Variants in EPHA6 observed in about 807,000 individuals in gnomAD.
The protein encoded by EPHA6 is EPH receptor A6.
EPHA6 carries 50 observed loss-of-function variants against 112.0 expected under a neutral mutation model. That is an observed-to-expected ratio of 0.45 (90% CI 0.36 to 0.56). The LOEUF (loss-of-function observed/expected upper bound fraction) is 0.56, where lower values mean the gene tolerates loss of function less well. EPHA6 is among the 20% of genes least tolerant of loss of function. The pLI, the probability that EPHA6 is intolerant of heterozygous loss-of-function variation, is 0.00. For synonymous variants in EPHA6, 529 were observed against 490.7 expected, an observed-to-expected ratio of 1.08 and a Z score of -1.03; for missense variants, 1,280 against 1,417.4, an observed-to-expected ratio of 0.90 and a Z score of 1.56.
chr3:97,232,779 A>G (rs186543944), intron 4 of EPHA6, among the ~76,000 whole-genome samples: 1 of 152,280 alleles, frequency 6.6e-6, no homozygotes, highest in East Asian at 1.9e-4. Flanking sequence ...TTGAGGTTAT[A>G]TACATTGGCA....
intron 3 of EPHA6, among the ~76,000 whole-genome samples, chr3:97,132,246 G>A (rs529836674): frequency 6.6e-6 from 1 of 152,164 alleles, no homozygotes; most frequent in South Asian, 2.1e-4. Context: ...ATGAGCACTT[G>A]CAACGTGTCA....
chr3:97,380,655 G>A (rs2085672083), intron 5 of EPHA6, among the ~76,000 whole-genome samples: 1 of 152,026 alleles, frequency 6.6e-6, no homozygotes, highest in African/African-American at 2.4e-5. Flanking sequence ...GCTATGATGA[G>A]GTCAGATTTT....
At chr3:96,857,905 T>C (rs1443213535) in intron 1 of EPHA6, among the ~76,000 whole-genome samples, 1 of 152,138 alleles carries the variant, frequency 6.6e-6, no homozygotes, top group Non-Finnish European at 1.5e-5. Flanking sequence ...CCAATAACCA[T>C]GTTTTGTGAG....
rs1340894761 is a variant in EPHA6, at chr3:97,752,113, A to G, written c.*3412A>G. The stretch of plus-strand genomic sequence containing the variant: ...ATAAATGTTCTACATTCCATATCAA[A>G]ATAAGACATCTTATTTCACTCTGCA... On this transcript the variant is annotated 3_prime_UTR_variant, in exon 18 of 18. Transcript: ENST00000389672. 1 of 224,268 alleles carries G rather than the reference A, an allele frequency of 4.5e-6. No individual in the cohort carries two copies. The highest frequency in any genetic ancestry group is 8.9e-6 in the Non-Finnish European group (1 of 112,464). The allele number at this position is 224,268 out of a possible 1,614,324, so 13.9% of individuals were successfully genotyped here. A position where few individuals can be genotyped will look rare whatever the true frequency, so the allele number is the denominator to read the frequency against.
chr3:97,451,056 A>G (rs1314908141), intron 7 of EPHA6, among the ~76,000 whole-genome samples: 1 of 151,922 alleles, frequency 6.6e-6, no homozygotes, highest in Non-Finnish European at 1.5e-5. Flanking sequence ...TTAAAGCGCA[A>G]ATAACTTGGT....
chr3:97,144,543 A>G (rs534786355), intron 3 of EPHA6, among the ~76,000 whole-genome samples: 93 of 151,198 alleles, frequency 6.2e-4, no homozygotes, highest in African/African-American at 2.1e-3. Flanking sequence ...GTAGATTAAT[A>G]TATTTAGCTA....
At chr3:97,101,159 T>C (rs1161187000) in intron 3 of EPHA6, among the ~76,000 whole-genome samples, 1 of 152,044 alleles carries the variant, frequency 6.6e-6, no homozygotes, top group Non-Finnish European at 1.5e-5. Context: ...ATTTTGAACA[T>C]ATAAATTATT....
intron 2 of EPHA6, among the ~76,000 whole-genome samples, chr3:96,958,828 A>G (rs1384742203): frequency 6.6e-6 from 1 of 152,176 alleles, no homozygotes; most frequent in Non-Finnish European, 1.5e-5. Context: ...TTATTGAGTG[A>G]TTCTTTTTAT....
intron 3 of EPHA6, among the ~76,000 whole-genome samples, chr3:97,175,442 G>A (rs894008867): frequency 1.3e-5 from 2 of 151,686 alleles, no homozygotes; most frequent in South Asian, 4.1e-4. Flanking sequence ...GTCATTGGTA[G>A]TTTGATAGGA....
chr3:97,451,009 C>T (rs1421483941), intron 7 of EPHA6, among the ~76,000 whole-genome samples: 3 of 151,760 alleles, frequency 2.0e-5, no homozygotes, highest in Non-Finnish European at 4.4e-5. Context: ...AGTCATGGAA[C>T]AGAAAAAGCA....
intron 5 of EPHA6, among the ~76,000 whole-genome samples, chr3:97,349,182 A>G (rs547657110): frequency 3.3e-5 from 5 of 152,048 alleles, no homozygotes; most frequent in Non-Finnish European, 7.4e-5. Context: ...TTATATCAAA[A>G]TTCAATTTTA....
At chr3:97,481,632 GC>G in intron 9 of EPHA6, 2 of 440,512 alleles carry the variant, frequency 4.5e-6, no homozygotes, top group Non-Finnish European at 8.5e-6. Flanking sequence ...CCCTAGGCCC[GC>G]CGCTTGGAGA....
At chr3:97,052,854 A>G (rs945212044) in intron 3 of EPHA6, among the ~76,000 whole-genome samples, 1 of 152,130 alleles carries the variant, frequency 6.6e-6, no homozygotes, top group African/African-American at 2.4e-5. Context: ...CATCTTGGAT[A>G]CAATGCCATC....
chr3:97,131,768 T>C (rs188917734), intron 3 of EPHA6, among the ~76,000 whole-genome samples: 12 of 152,228 alleles, frequency 7.9e-5, no homozygotes, highest in African/African-American at 2.6e-4. Context: ...TGCTGTACTG[T>C]TATTGCTACA....
intron 3 of EPHA6, among the ~76,000 whole-genome samples, chr3:97,164,206 A>T (rs1176431186): frequency 6.6e-6 from 1 of 152,182 alleles, no homozygotes; most frequent in East Asian, 1.9e-4. Flanking sequence ...TAGGAGTATC[A>T]CATATAGATA....
chr3:97,616,052 C>T (rs967475088), intron 13 of EPHA6, among the ~76,000 whole-genome samples: 35 of 152,162 alleles, frequency 2.3e-4, no homozygotes, highest in Admixed American at 9.8e-4. Context: ...GGTCTCCAGC[C>T]GCCTTCTACA....
chr3:97,152,338 C>T (rs2076188807), intron 3 of EPHA6, among the ~76,000 whole-genome samples: 1 of 151,578 alleles, frequency 6.6e-6, no homozygotes. Flanking sequence ...TGCAACAGCT[C>T]TGTTCCTTTA....
At chr3:96,875,093 G>A (rs2036866378) in intron 2 of EPHA6, among the ~76,000 whole-genome samples, 1 of 151,916 alleles carries the variant, frequency 6.6e-6, no homozygotes, top group African/African-American at 2.4e-5. Flanking sequence ...TTTTATCTGG[G>A]CTGCCAGATT....
intron 7 of EPHA6, among the ~76,000 whole-genome samples, chr3:97,472,173 C>T (rs1035821493): frequency 1.1e-4 from 16 of 151,674 alleles, no homozygotes; most frequent in African/African-American, 3.9e-4. Flanking sequence ...AGGCTGTCAC[C>T]ATTCACCCCA....
Sources: gnomAD v4.1 joint callset for allele counts (sites outside exome capture counted in the v4.1 genomes callset) on GRCh38, gnomAD v4.1.1 for gene constraint, MANE v1.5 for transcripts, NCBI Gene and HGNC (gene_info 2026-07-23, HGNC 2026-07-21) for gene names.